The following NKAIN3 variants were observed in gnomAD, a reference collection of about 807,000 sequenced individuals.
NKAIN3 encodes sodium/potassium-transporting ATPase subunit beta-1-interacting protein 3.
Under a neutral mutation model 30.2 loss-of-function variants are expected in NKAIN3, and 25 were observed. That is an observed-to-expected ratio of 0.83 (90% confidence interval 0.60 to 1.16). The LOEUF is 1.16. Among genes scored for constraint, NKAIN3 ranks in the 50% most tolerant of loss-of-function variants. The pLI, the probability that NKAIN3 is intolerant of heterozygous loss-of-function variation, is 0.00. For missense variants in NKAIN3, 225 were observed against 254.1 expected (o/e 0.89, Z 0.78); for synonymous variants, 91 against 89.6 (o/e 1.02, Z -0.09).
At chr8:62,374,860 T>C (rs774928720) in intron 1 of NKAIN3, among the ~76,000 whole-genome samples, 14 of 152,192 alleles carry the variant, frequency 9.2e-5, no homozygotes, top group Admixed American at 2.6e-4. Flanking sequence ...TTTGAACATA[T>C]GTTACTGAAC....
chr8:62,988,518 G>C (rs1585648325), downstream of NKAIN3, among the ~76,000 whole-genome samples: 2 of 152,240 alleles, frequency 1.3e-5, no homozygotes, highest in Admixed American at 6.5e-5. Flanking sequence ...ACACCACATG[G>C]AAGCTGCCAA....
chr8:62,879,192 A>G (rs1386071055), intron 4 of NKAIN3, among the ~76,000 whole-genome samples: 1 of 152,120 alleles, frequency 6.6e-6, no homozygotes, highest in East Asian at 1.9e-4. Flanking sequence ...TGACTTTTTA[A>G]TGATCGCCAT....
At chr8:62,428,288 G>T (rs543467664) in intron 1 of NKAIN3, among the ~76,000 whole-genome samples, 9 of 151,920 alleles carry the variant, frequency 5.9e-5, no homozygotes, top group African/African-American at 2.2e-4. Flanking sequence ...ATTGTGAATG[G>T]TTCTTCAATA....
chr8:62,801,276 G>C (rs1314210110), intron 4 of NKAIN3, among the ~76,000 whole-genome samples: 1 of 152,200 alleles, frequency 6.6e-6, no homozygotes, highest in Non-Finnish European at 1.5e-5. Flanking sequence ...GGTTCTCCCA[G>C]CACGCAGCTG....
In NKAIN3 at chr8:62,750,776, T is replaced by C. The variant is rs187161506; in HGVS notation, c.471+3647T>C. Among the ~76,000 whole-genome samples the C allele has an allele frequency of 2.6e-5, 4 of 152,194 alleles. No homozygotes were observed. In the East Asian group the frequency reaches 7.7e-4, roughly 29 times the overall value. ...TCCATAGAAAGGTTGTGGATGGTAT[T>C]GTGGGGGAGCAGCAAAATGCAATCC... On this transcript the variant is annotated intron_variant, in intron 4 of 6. Transcript: ENST00000623646.
chr8:62,933,535 C>G (rs1420105766), intron 5 of NKAIN3, among the ~76,000 whole-genome samples: 1 of 152,146 alleles, frequency 6.6e-6, no homozygotes, highest in African/African-American at 2.4e-5. Flanking sequence ...TGTTTTAAGC[C>G]TCTTACCTTT....
At chr8:62,774,570 G>C (rs561314254) in intron 4 of NKAIN3, among the ~76,000 whole-genome samples, 7 of 152,082 alleles carry the variant, frequency 4.6e-5, no homozygotes, top group Non-Finnish European at 8.8e-5. Flanking sequence ...CTTGTGTTGT[G>C]ATATGTTCCT....
At chr8:62,529,710 C>G (rs1187072889) in intron 1 of NKAIN3, among the ~76,000 whole-genome samples, 3 of 151,988 alleles carry the variant, frequency 2.0e-5, no homozygotes, top group Non-Finnish European at 4.4e-5. Context: ...TGTTTATAAG[C>G]CACCCAGTAC....
intron 1 of NKAIN3, among the ~76,000 whole-genome samples, chr8:62,272,751 A>T (rs781138480): frequency 6.6e-6 from 1 of 152,152 alleles, no homozygotes; most frequent in African/African-American, 2.4e-5. Flanking sequence ...TCCTCTAACT[A>T]TGGCCTGCCA....
chr8:62,337,597 A>G (rs1815604944), intron 1 of NKAIN3, among the ~76,000 whole-genome samples: 2 of 151,310 alleles, frequency 1.3e-5, no homozygotes, highest in Non-Finnish European at 2.9e-5. Flanking sequence ...CACAACACAC[A>G]TAACAGACAC....
Position 62,596,679 on chromosome 8 carries a change from G to A in NKAIN3, c.273+6885G>A, listed in dbSNP as rs529691885. Among the ~76,000 whole-genome samples the A allele has an allele frequency of 2.6e-5, 4 of 152,090 alleles. No individual in the cohort carries two copies. The South Asian group carries it at 6.2e-4, about 24-fold the overall frequency. On this transcript the variant is annotated intron_variant, in intron 3 of 6. Transcript: ENST00000623646. ...TGAGGGGATTACTTTCAAGTATTCC[G>A]TTATCACCGACCACTGCATACCCCA...
chr8:62,318,073 CTGTT>C (rs776315927), intron 1 of NKAIN3, among the ~76,000 whole-genome samples: 1 of 152,128 alleles, frequency 6.6e-6, no homozygotes, highest in African/African-American at 2.4e-5. Context: ...ATTTGGCTCT[CTGTT>C]TGTCTGTTAT....
chr8:62,629,283 C>T (rs1226034683), intron 3 of NKAIN3, among the ~76,000 whole-genome samples: 1 of 152,008 alleles, frequency 6.6e-6, no homozygotes, highest in African/African-American at 2.4e-5. Flanking sequence ...TTTATATTTC[C>T]TTATCTAATA....
chr8:62,813,771 A>T (rs532207951), intron 4 of NKAIN3, among the ~76,000 whole-genome samples: 7 of 151,882 alleles, frequency 4.6e-5, no homozygotes, highest in Admixed American at 1.3e-4. Flanking sequence ...GCACGTTTTC[A>T]TGAGAGTAGA....
chr8:62,473,722 C>A (rs979923640), intron 1 of NKAIN3, among the ~76,000 whole-genome samples: 1 of 152,056 alleles, frequency 6.6e-6, no homozygotes, highest in African/African-American at 2.4e-5. Context: ...CATTATGTGG[C>A]AATTTTTGAA....
intron 1 of NKAIN3, among the ~76,000 whole-genome samples, chr8:62,326,967 C>T (rs975466012): frequency 6.6e-6 from 1 of 152,052 alleles, no homozygotes. Flanking sequence ...CCAACACTTG[C>T]TATTTTCTGT....
intron 1 of NKAIN3, among the ~76,000 whole-genome samples, chr8:62,427,432 T>A (rs76952907): frequency 6.6e-6 from 1 of 151,964 alleles, no homozygotes. Flanking sequence ...TCAGGTTCAG[T>A]TTCCTCACAT....
intron 3 of NKAIN3, among the ~76,000 whole-genome samples, chr8:62,628,380 C>T (rs535575941): frequency 3.4e-4 from 51 of 152,160 alleles, no homozygotes; most frequent in Non-Finnish European, 5.9e-4. Context: ...GTTTGCATAG[C>T]GAATTTTGCA....
intron 1 of NKAIN3, among the ~76,000 whole-genome samples, chr8:62,506,753 A>G (rs891280833): frequency 2.0e-5 from 3 of 152,076 alleles, no homozygotes; most frequent in African/African-American, 7.2e-5. Flanking sequence ...GATTACAGGC[A>G]TGAGCCACCA....
Sources: allele counts gnomAD v4.1 joint callset (sites outside exome capture counted in the v4.1 genomes callset), GRCh38; gene constraint gnomAD v4.1.1; transcripts MANE v1.5; gene names NCBI Gene and HGNC (gene_info 2026-07-23, HGNC 2026-07-21).